Variants in CFAP299 observed in about 807,000 individuals in gnomAD.
CFAP299 encodes cilia and flagella associated protein 299.
Under a neutral mutation model 27.0 loss-of-function variants are expected in CFAP299, and 21 were observed. That is an observed-to-expected ratio of 0.78 (90% confidence interval 0.55 to 1.12). The LOEUF is 1.12. Ranked by LOEUF, CFAP299 falls within the 50% of genes most tolerant of loss-of-function variation. The pLI is 0.00. For missense variants in CFAP299, 310 were observed against 276.6 expected (o/e 1.12, Z -0.86); for synonymous variants, 104 against 98.1 (o/e 1.06, Z -0.36).
At chr4:80,685,375 G>A (rs1720115483) in intron 3 of CFAP299, among the ~76,000 whole-genome samples, 2 of 152,084 alleles carry the variant, frequency 1.3e-5, no homozygotes, top group Admixed American at 6.5e-5. Context: ...AATGCACAGG[G>A]AAATGTGACC....
At chr4:80,626,473 A>T (rs143245849) in intron 3 of CFAP299, among the ~76,000 whole-genome samples, 113 of 152,006 alleles carry the variant, frequency 7.4e-4, no homozygotes, top group African/African-American at 2.5e-3. Flanking sequence ...ACTTCAAGGA[A>T]CTGCAAAAAA....
intron 5 of CFAP299, among the ~76,000 whole-genome samples, chr4:80,951,600 C>A: frequency 6.6e-6 from 1 of 152,092 alleles, no homozygotes; most frequent in East Asian, 1.9e-4. Flanking sequence ...TCAAATTCAC[C>A]AATCAGAGAA....
At chr4:80,820,980 T>G (rs1729674042) in intron 3 of CFAP299, among the ~76,000 whole-genome samples, 1 of 152,192 alleles carries the variant, frequency 6.6e-6, no homozygotes, top group African/African-American at 2.4e-5. Context: ...CCTGAACCAC[T>G]GTTAACTTTA....
intron 3 of CFAP299, among the ~76,000 whole-genome samples, chr4:80,768,518 T>C (rs1326182439): frequency 2.6e-5 from 4 of 152,200 alleles, no homozygotes; most frequent in African/African-American, 9.7e-5. Flanking sequence ...AGAGTCAAAC[T>C]GGCAGCAATG....
At chr4:80,669,863 C>A (rs1741373599) in intron 3 of CFAP299, among the ~76,000 whole-genome samples, 1 of 151,820 alleles carries the variant, frequency 6.6e-6, no homozygotes, top group Non-Finnish European at 1.5e-5. Flanking sequence ...ATTCCCTCCA[C>A]TCCCAACTCA....
intron 3 of CFAP299, among the ~76,000 whole-genome samples, chr4:80,793,147 T>C (rs1186725454): frequency 6.6e-6 from 1 of 151,448 alleles, no homozygotes; most frequent in Non-Finnish European, 1.5e-5. Flanking sequence ...TTATTAAGTA[T>C]TAACTCACTT....
chr4:80,415,310 C>G (rs929672798), intron 2 of CFAP299, among the ~76,000 whole-genome samples: 2 of 151,990 alleles, frequency 1.3e-5, no homozygotes, highest in African/African-American at 4.8e-5. Context: ...TTTGAGCATT[C>G]CCCCAAATAA....
At chr4:80,422,373 TAA>T (rs11346648) in intron 2 of CFAP299, among the ~76,000 whole-genome samples, 40 of 145,056 alleles carry the variant, frequency 2.8e-4, no homozygotes, top group African/African-American at 9.2e-4. Context: ...CTGCTAAAAT[TAA>T]AAAAAAAAAA....
At chr4:80,866,687 T>A (rs1732766975) in intron 3 of CFAP299, among the ~76,000 whole-genome samples, 1 of 152,102 alleles carries the variant, frequency 6.6e-6, no homozygotes. Context: ...GCACTTATAG[T>A]CCGCTTGACC....
intron 4 of CFAP299, among the ~76,000 whole-genome samples, chr4:80,939,607 A>G (rs989056426): frequency 1.3e-5 from 2 of 152,148 alleles, no homozygotes. Flanking sequence ...TTGAGCTCAT[A>G]TGACTATTTT....
In CFAP299 at chr4:80,811,644, T is replaced by C. The variant is rs528722466; in HGVS notation, c.334-58349T>C. On this transcript the variant is annotated intron_variant, in intron 3 of 5. Coordinates refer to ENST00000358105, the MANE Select transcript of CFAP299 (RefSeq NM_152770.3). The stretch of plus-strand genomic sequence containing the variant: ...CTCAGGGAAGTATCCTACCACTACC[T>C]GGTCAGTTGTATCTGCTTTGTGTTC... Among the ~76,000 whole-genome samples, 37 of 152,250 alleles carry C rather than the reference T, an allele frequency of 2.4e-4. No individual in the cohort carries two copies. The South Asian group carries it at 7.5e-3, about 31-fold the overall frequency.
intron 3 of CFAP299, among the ~76,000 whole-genome samples, chr4:80,752,039 G>A (rs1724961130): frequency 6.6e-6 from 1 of 152,078 alleles, no homozygotes; most frequent in African/African-American, 2.4e-5. Flanking sequence ...CCAATGCCCT[G>A]GTGGCATGGG....
At chr4:80,843,551 T>G (rs924348945) in intron 3 of CFAP299, among the ~76,000 whole-genome samples, 1 of 152,134 alleles carries the variant, frequency 6.6e-6, no homozygotes, top group Non-Finnish European at 1.5e-5. Context: ...CGTGTGCATG[T>G]GTCTTTATAG....
intron 2 of CFAP299, among the ~76,000 whole-genome samples, chr4:80,499,976 TTTG>T (rs1433783854): frequency 9.1e-6 from 1 of 110,306 alleles, no homozygotes; most frequent in Non-Finnish European, 1.7e-5. Flanking sequence ...TCATTTTTTT[TTTG>T]TTTGTTTGTT....
At chr4:80,936,375 G>T (rs373980644) in intron 4 of CFAP299, among the ~76,000 whole-genome samples, 1 of 152,074 alleles carries the variant, frequency 6.6e-6, no homozygotes, top group Non-Finnish European at 1.5e-5. Flanking sequence ...GCAAAGACAT[G>T]CAATTACCTA....
chr4:80,823,584 T>C (rs1049888019), intron 3 of CFAP299, among the ~76,000 whole-genome samples: 14 of 152,164 alleles, frequency 9.2e-5, no homozygotes, highest in African/African-American at 3.4e-4. Flanking sequence ...GATACTAAAG[T>C]TATTAAAATT....
intron 3 of CFAP299, among the ~76,000 whole-genome samples, chr4:80,700,189 AC>A (rs1721384562): frequency 6.6e-6 from 1 of 152,114 alleles, no homozygotes; most frequent in Non-Finnish European, 1.5e-5. Context: ...AAGGTAGAAT[AC>A]TTGCCTTTAC....
chr4:80,891,844 A>AG (rs1346069429), intron 4 of CFAP299, among the ~76,000 whole-genome samples: 2 of 147,314 alleles, frequency 1.4e-5, no homozygotes, highest in South Asian at 2.1e-4. Context: ...AAAAAAAAAA[A>AG]AAAAAGAAAT....
chr4:80,845,482 C>A (rs1311232534), intron 3 of CFAP299, among the ~76,000 whole-genome samples: 1 of 152,112 alleles, frequency 6.6e-6, no homozygotes, highest in Non-Finnish European at 1.5e-5. Flanking sequence ...CTTCTCCACC[C>A]TCTTCTCTGC....
Sources: gnomAD v4.1 joint callset for allele counts (sites outside exome capture counted in the v4.1 genomes callset) on GRCh38, gnomAD v4.1.1 for gene constraint, MANE v1.5 for transcripts, NCBI Gene and HGNC (gene_info 2026-07-23, HGNC 2026-07-21) for gene names.